The following RIMKLA variants were observed in gnomAD, a reference collection of about 807,000 sequenced individuals.
RIMKLA encodes ribosomal modification protein rimK like family member A, also known as N-acetylaspartylglutamate synthase A.
In RIMKLA, 14 loss-of-function variants were observed where a neutral mutation model predicts 32.7. The ratio of observed to expected loss-of-function variants is 0.43; its 90% CI spans 0.28 to 0.67. The LOEUF (loss-of-function observed/expected upper bound fraction) is 0.67. Among genes scored for constraint, RIMKLA ranks in the 30% least tolerant of loss-of-function variants. The pLI is 0.18. For synonymous variants in RIMKLA, 176 were observed against 204.1 expected (o/e 0.86, Z 1.18); for missense variants, 410 against 519.0 (o/e 0.79, Z 2.04).
intron 1 of RIMKLA, among the ~76,000 whole-genome samples, chr1:42,391,703 G>A (rs1010779914): frequency 1.3e-5 from 2 of 152,146 alleles, no homozygotes; most frequent in Non-Finnish European, 2.9e-5. Context: ...ATACAGTCCA[G>A]GGAAATGATG....
Position 42,417,372 on chromosome 1 carries a change from G to C in RIMKLA, c.*2398G>C, listed in dbSNP as rs1233488365. On this transcript the variant is annotated 3_prime_UTR_variant, in exon 5 of 5. Coordinates refer to ENST00000431473, the MANE Select transcript of RIMKLA (RefSeq NM_173642.4). Reference sequence around the variant, plus strand: ...CAGGATTTCCCATACCATGCTGGCTGTGGGCTCTGTGAGCCTCAGCCAGGT... The same window carrying C: ...CAGGATTTCCCATACCATGCTGGCTCTGGGCTCTGTGAGCCTCAGCCAGGT... The C allele has an allele frequency of 6.6e-6, 1 of 152,264 alleles. No homozygotes were observed. Among genetic ancestry groups the C allele is most frequent in the Non-Finnish European group, 1.5e-5 (1 of 68,080 alleles). The allele number at this position is 152,264 out of a possible 1,614,324, so 9.4% of individuals were successfully genotyped here. A position where few individuals can be genotyped will look rare whatever the true frequency, so the allele number is the denominator to read the frequency against.
At chr1:42,381,219 A>C (rs1019836514) in intron 1 of RIMKLA, 122 bp downstream of exon 1, 2 of 686,276 alleles carry the variant, frequency 2.9e-6, no homozygotes, top group African/African-American at 3.7e-5. Flanking sequence ...CACTAGCCGC[A>C]CTCTAGCTGC....
At position 42,422,955 on chromosome 1, in the gene RIMKLA, G is replaced by A. The variant is rs952190938; in HGVS notation, c.*7981G>A. Among the ~76,000 whole-genome samples the A allele has an allele frequency of 7.1e-6, 1 of 141,350 alleles. No individual in the cohort carries two copies. Among genetic ancestry groups the A allele is most frequent in the Non-Finnish European group, 1.6e-5 (1 of 61,196 alleles). 92.7% of individuals were successfully genotyped at this position (141,350 alleles called of 152,430 possible). The stretch of plus-strand genomic sequence containing the variant: ...AAGCTGTTTAAAATGGCTGTGTGGT[G>A]CAGTAAGGGGTCTCAGGGGATTGAA... On this transcript the variant is annotated 3_prime_UTR_variant, in exon 5 of 5. Coordinates refer to ENST00000431473, the MANE Select transcript of RIMKLA (RefSeq NM_173642.4).
chr1:42,385,850 CTTTCTTTCTTTCTTTCTT>C lies in RIMKLA; in HGVS notation c.163+4755_163+4772del, dbSNP rs1642938307. Among the ~76,000 whole-genome samples, 2 of 33,546 alleles carry C rather than the reference CTTTCTTTCTTTCTTTCTT, an allele frequency of 6.0e-5. 1 individual carries two copies. Among genetic ancestry groups the C allele is most frequent in the African/African-American group, 1.7e-4 (2 of 11,592 alleles). The allele number at this position is 33,546 out of a possible 152,430, so 22.0% of individuals were successfully genotyped here. On this transcript the variant is annotated intron_variant, in intron 1 of 4. Coordinates refer to ENST00000431473, the MANE Select transcript of RIMKLA (RefSeq NM_173642.4). The stretch of plus-strand genomic sequence containing the variant: ...TTCCTTTCTTTCTTTCTTTCTCTTT[CTTTCTTTCTTTCTTTCTT>C]TCTTTCTTTCTTTCTTTCTTTCTTT...
intron 4 of RIMKLA, 129 bp downstream of exon 4, chr1:42,410,316 C>G: frequency 1.3e-6 from 1 of 761,852 alleles, no homozygotes; most frequent in Non-Finnish European, 2.1e-6. Context: ...GAGGAACAAA[C>G]TCTTTCCTAT....
chr1:42,397,279 T>G, intron 1 of RIMKLA, among the ~76,000 whole-genome samples: 1 of 152,350 alleles, frequency 6.6e-6, no homozygotes, highest in Middle Eastern at 3.4e-3. Context: ...AGCTTTTATA[T>G]TGATATTATT....
At chr1:42,402,799 C>T (rs543996542) in intron 2 of RIMKLA, among the ~76,000 whole-genome samples, 1 of 152,192 alleles carries the variant, frequency 6.6e-6, no homozygotes, top group African/African-American at 2.4e-5. Context: ...CTACGTTGCC[C>T]AGGCTGGTCT....
At chr1:42,404,377 A>T in intron 2 of RIMKLA, 134 bp from the exon 3 acceptor site, 1 of 667,884 alleles carries the variant, frequency 1.5e-6, no homozygotes, top group Non-Finnish European at 2.7e-6. Flanking sequence ...GTGTCTGTTG[A>T]ATCAACTGGG....
chr1:42,419,150 A>T lies in RIMKLA; in HGVS notation c.*4176A>T, dbSNP rs1643275658. On this transcript the variant is annotated 3_prime_UTR_variant, in exon 5 of 5. Transcript: ENST00000431473. ...TATAATGTTATAATCTTTTCCTAAAACTAAATCATGCCTCCATTCCAGGTC... is the reference window on the plus strand; with the variant it reads ...TATAATGTTATAATCTTTTCCTAAATCTAAATCATGCCTCCATTCCAGGTC... 1 of 152,212 alleles carries T rather than the reference A, an allele frequency of 6.6e-6. No individual in the cohort carries two copies. Among genetic ancestry groups the T allele is most frequent in the Admixed American group, 6.5e-5 (1 of 15,270 alleles). 9.4% of individuals were successfully genotyped at this position (152,212 alleles called of 1,614,324 possible). A position where few individuals can be genotyped will look rare whatever the true frequency, so the allele number is the denominator to read the frequency against.
At chr1:42,411,336 T>TAAA (rs552496213) in intron 4 of RIMKLA, among the ~76,000 whole-genome samples, 18 of 139,366 alleles carry the variant, frequency 1.3e-4, no homozygotes, top group African/African-American at 4.4e-4. Flanking sequence ...CCCTATCTCT[T>TAAA]AAAAAAAAAA....
intron 4 of RIMKLA, among the ~76,000 whole-genome samples, chr1:42,410,463 A>G (rs560042092): frequency 3.0e-4 from 46 of 152,326 alleles, no homozygotes; most frequent in African/African-American, 9.9e-4. Flanking sequence ...ATGAGGACCA[A>G]CGTTGGAGAA....
At chr1:42,391,702 A>G (rs2148386032) in intron 1 of RIMKLA, among the ~76,000 whole-genome samples, 1 of 152,282 alleles carries the variant, frequency 6.6e-6, no homozygotes, top group Admixed American at 6.5e-5. Context: ...TATACAGTCC[A>G]GGGAAATGAT....
rs554990152 is a variant in RIMKLA at position 42,414,810 on chromosome 1, A to G, written c.1012A>G (p.Ser338Gly). The stretch of plus-strand genomic sequence containing the variant: ...TGCTTCAGCTCAGGGAGTTGCAGAG[A>G]GCGTCTATACCATCAACAGTGGGTC... ...GCASAQGVAE[S>G]VYTINSGSTS... is the part of the protein sequence containing the mutation. Residue 338 changes from serine to glycine, a missense_variant, in exon 5 of 5, where the codon AGC becomes GGC. Coordinates refer to ENST00000431473, the MANE Select transcript of RIMKLA (RefSeq NM_173642.4). 6.2e-7 allele frequency: 1 copy of G among 1,614,188 alleles called. No homozygotes were observed. Among genetic ancestry groups the G allele is most frequent in the Admixed American group, 1.7e-5 (1 of 60,024 alleles).
At chr1:42,385,844 C>CTCTTTCTTTCTTTCTTTCTTTCTTTCTT (rs1162584737) in intron 1 of RIMKLA, among the ~76,000 whole-genome samples, 2 of 56,996 alleles carry the variant, frequency 3.5e-5, no homozygotes, top group Non-Finnish European at 7.2e-5. Flanking sequence ...TTCTTTCTTT[C>CTCTTTCTTTCTTTCTTTCTTTCTTTCTT]TCTTTCTTTC....
intron 2 of RIMKLA, among the ~76,000 whole-genome samples, chr1:42,404,055 C>T (rs951552981): frequency 1.3e-5 from 2 of 152,006 alleles, no homozygotes. Flanking sequence ...TTTTTAGAGA[C>T]TCATCTGATT....
Position 42,423,498 on chromosome 1 carries a change from G to A in RIMKLA, c.*8524G>A, listed in dbSNP as rs145899548. On this transcript the variant is annotated 3_prime_UTR_variant, in exon 5 of 5. Transcript: ENST00000431473. ...GCATTTAGCTCCATGGTAGACCAGC[G>A]TATTTGGTGAGAAAGGAAGTACTTT... 1.4e-4 allele frequency among the ~76,000 whole-genome samples: 21 copies of A among 152,286 alleles called. No individual in the cohort carries two copies. The East Asian group carries it at 3.7e-3, about 27-fold the overall frequency.
chr1:42,405,656 C>A (rs549856788), intron 3 of RIMKLA, among the ~76,000 whole-genome samples: 47 of 152,096 alleles, frequency 3.1e-4, no homozygotes, highest in Admixed American at 2.1e-3. Context: ...TCTCAAAAAA[C>A]AAAAAAACAA....
chr1:42,382,029 T>C (rs1384220891), intron 1 of RIMKLA, among the ~76,000 whole-genome samples: 1 of 152,186 alleles, frequency 6.6e-6, no homozygotes, highest in Non-Finnish European at 1.5e-5. Flanking sequence ...TTATTAATGG[T>C]TAAATAAGCT....
Position 42,388,795 on chromosome 1 carries a change from C to T in RIMKLA, c.163+7698C>T, listed in dbSNP as rs571892468. Among the ~76,000 whole-genome samples, 382 of 152,250 alleles carry T rather than the reference C, an allele frequency of 2.5e-3. 1 individual carries two copies. Among genetic ancestry groups the T allele is most frequent in the Non-Finnish European group, 3.8e-3 (260 of 68,028 alleles). ...CCTCCCAAAGTGCTGGGATTACAGG[C>T]GTGAGCTACTGTGCCTGGCCTCCAC... On this transcript the variant is annotated intron_variant, in intron 1 of 4. Coordinates refer to ENST00000431473, the MANE Select transcript of RIMKLA (RefSeq NM_173642.4).
Sources: gnomAD v4.1 joint callset for allele counts (sites outside exome capture counted in the v4.1 genomes callset) on GRCh38, gnomAD v4.1.1 for gene constraint, MANE v1.5 for transcripts, NCBI Gene and HGNC (gene_info 2026-07-23, HGNC 2026-07-21) for gene names.